SMAP1: variants seen among roughly 807,000 people sequenced by gnomAD.
The protein encoded by SMAP1 is stromal membrane-associated protein 1.
Under a neutral mutation model 58.5 loss-of-function variants are expected in SMAP1, and 24 were observed. The observed-to-expected ratio is 0.41, with a 90% CI of 0.30 to 0.58. The LOEUF is 0.58. SMAP1 is among the 20% of genes least tolerant of loss of function. SMAP1 has a pLI of 0.29. For missense variants in SMAP1, 563 were observed against 566.3 expected (o/e 0.99, Z 0.06); for synonymous variants, 216 against 196.6 (o/e 1.10, Z -0.82).
chr6:70,702,132 A>C (rs1402553932), intron 1 of SMAP1, among the ~76,000 whole-genome samples: 1 of 151,910 alleles, frequency 6.6e-6, no homozygotes, highest in African/African-American at 2.4e-5. Context: ...GCTTCTTTTA[A>C]GATTTTTTTC....
chr6:70,685,678 G>T (rs1766907133), intron 1 of SMAP1, among the ~76,000 whole-genome samples: 1 of 152,164 alleles, frequency 6.6e-6, no homozygotes, highest in East Asian at 1.9e-4. Flanking sequence ...ATGTCAGGGA[G>T]AAAATAGACA....
intron 8 of SMAP1, among the ~76,000 whole-genome samples, chr6:70,854,715 C>T (rs889298373): frequency 4.6e-5 from 7 of 152,080 alleles, no homozygotes; most frequent in Admixed American, 2.6e-4. Context: ...TATATTGCTA[C>T]CATGTAATTT....
intron 1 of SMAP1, among the ~76,000 whole-genome samples, chr6:70,687,002 T>A (rs1262142805): frequency 2.0e-5 from 3 of 152,198 alleles, no homozygotes; most frequent in Non-Finnish European, 2.9e-5. Flanking sequence ...GTGTTTTTTT[T>A]AAGTTTTTCT....
intron 6 of SMAP1, among the ~76,000 whole-genome samples, chr6:70,833,353 A>G (rs1336859345): frequency 6.6e-6 from 1 of 152,232 alleles, no homozygotes; most frequent in Non-Finnish European, 1.5e-5. Context: ...AGTAATCTCT[A>G]AAATCACCTT....
intron 6 of SMAP1, among the ~76,000 whole-genome samples, chr6:70,807,671 A>G (rs1769194855): frequency 6.6e-6 from 1 of 152,226 alleles, no homozygotes; most frequent in East Asian, 1.9e-4. Context: ...TTACATATCA[A>G]AGCATGGAAC....
chr6:70,693,097 T>C (rs1767245641), intron 1 of SMAP1, among the ~76,000 whole-genome samples: 1 of 151,880 alleles, frequency 6.6e-6, no homozygotes, highest in Non-Finnish European at 1.5e-5. Flanking sequence ...TGTCTATTTT[T>C]ATGCCAGTAC....
intron 2 of SMAP1, among the ~76,000 whole-genome samples, chr6:70,753,340 ATTTTCTTAC>A (rs1373299570): frequency 6.6e-6 from 1 of 152,062 alleles, no homozygotes; most frequent in Non-Finnish European, 1.5e-5. Flanking sequence ...AACTTTTCAA[ATTTTCTTAC>A]TTTTGCACTT....
chr6:70,690,338 C>T (rs1254280667), intron 1 of SMAP1, among the ~76,000 whole-genome samples: 1 of 151,824 alleles, frequency 6.6e-6, no homozygotes, highest in East Asian at 1.9e-4. Flanking sequence ...CGGACTTTCG[C>T]TCTTGTTGCC....
At position 70,860,420 on chromosome 6, in the gene SMAP1, A is replaced by ATT; in HGVS notation, c.*93_*94dup. 4.1e-6 allele frequency: 6 copies of ATT among 1,478,246 alleles called. No individual in the cohort carries two copies. In the African/African-American group the frequency reaches 8.5e-5, roughly 21 times the overall value. 91.6% of individuals were successfully genotyped at this position (1,478,246 alleles called of 1,614,324 possible). On this transcript the variant is annotated 3_prime_UTR_variant, in exon 11 of 11. Transcript: ENST00000370455. ...AGTTCCCCTGTTTATTCATATGCATATTTTTTTTCTTTTTACCCATTTGTT... is the reference window on the plus strand; with the variant it reads ...AGTTCCCCTGTTTATTCATATGCATATTTTTTTTTTCTTTTTACCCATTTGTT...
intron 1 of SMAP1, among the ~76,000 whole-genome samples, chr6:70,723,752 G>A (rs1022530731): frequency 3.3e-5 from 5 of 152,116 alleles, no homozygotes; most frequent in African/African-American, 1.2e-4. Context: ...ATCTTTGTGA[G>A]GTGAATGCAT....
intron 10 of SMAP1, chr6:70,859,828 C>T (rs1269653300): frequency 5.5e-6 from 1 of 181,270 alleles, no homozygotes; most frequent in Admixed American, 5.7e-5. Flanking sequence ...ATCTATCATA[C>T]AAAGTTTATA....
chr6:70,847,402 C>T (rs953172223), intron 7 of SMAP1, among the ~76,000 whole-genome samples: 1 of 152,136 alleles, frequency 6.6e-6, no homozygotes, highest in African/African-American at 2.4e-5. Context: ...CTGTCGGTTT[C>T]TCATATGTGG....
chr6:70,724,100 A>G (rs1053544066), intron 1 of SMAP1, among the ~76,000 whole-genome samples: 15 of 148,362 alleles, frequency 1.0e-4, no homozygotes, highest in Non-Finnish European at 7.4e-5. Context: ...AACTATGTCC[A>G]TTTTTATGGG....
chr6:70,859,453 C>A (rs1771600960), intron 10 of SMAP1: 5 of 1,291,708 alleles, frequency 3.9e-6, no homozygotes, highest in African/African-American at 1.5e-5. Context: ...GACACTTATG[C>A]CTGATTAGTG....
At chr6:70,729,457 G>GT (rs1765329777) in intron 1 of SMAP1, among the ~76,000 whole-genome samples, 1 of 126,526 alleles carries the variant, frequency 7.9e-6, no homozygotes, top group Non-Finnish European at 1.7e-5. Flanking sequence ...AAAAAAAGAA[G>GT]GTTGTGTGTG....
At chr6:70,777,502 A>G (rs1767596007) in intron 4 of SMAP1, among the ~76,000 whole-genome samples, 1 of 151,942 alleles carries the variant, frequency 6.6e-6, no homozygotes, top group Admixed American at 6.6e-5. Context: ...TATATTATGG[A>G]TGCTAGTTTC....
intron 2 of SMAP1, among the ~76,000 whole-genome samples, chr6:70,746,119 T>C (rs896422247): frequency 1.2e-4 from 19 of 152,134 alleles, no homozygotes; most frequent in African/African-American, 3.6e-4. Flanking sequence ...CATCTGCAAA[T>C]GGGGACAGTT....
At chr6:70,758,176 A>T (rs1372499843) in intron 3 of SMAP1, among the ~76,000 whole-genome samples, 16 of 151,382 alleles carry the variant, frequency 1.1e-4, no homozygotes, top group African/African-American at 3.9e-4. Flanking sequence ...TACACCATGG[A>T]ATACTATGCA....
intron 6 of SMAP1, among the ~76,000 whole-genome samples, chr6:70,820,719 A>G (rs1769849982): frequency 6.6e-6 from 1 of 152,114 alleles, no homozygotes; most frequent in African/African-American, 2.4e-5. Flanking sequence ...AAAAAAAAAA[A>G]AGAAAACTTT....
Sources: allele counts gnomAD v4.1 joint callset (sites outside exome capture counted in the v4.1 genomes callset), GRCh38; gene constraint gnomAD v4.1.1; transcripts MANE v1.5; gene names NCBI Gene and HGNC (gene_info 2026-07-23, HGNC 2026-07-21).